The following GRIP2 variants were observed in gnomAD, a reference collection of about 807,000 sequenced individuals.
GRIP2 encodes the protein glutamate receptor-interacting protein 2.
Under a neutral mutation model 108.3 loss-of-function variants are expected in GRIP2, and 58 were observed. That is an observed-to-expected ratio of 0.54 (90% CI 0.43 to 0.67). The LOEUF (loss-of-function observed/expected upper bound fraction) is 0.67. GRIP2 is among the 30% of genes least tolerant of loss of function. GRIP2 has a pLI of 0.00. For missense variants in GRIP2, 1,278 were observed against 1,430.6 expected (o/e 0.89, Z 1.72); for synonymous variants, 586 against 598.2 (o/e 0.98, Z 0.30).
chr3:14,513,257 C>T (rs1559338584), intron 13 of GRIP2, among the ~76,000 whole-genome samples: 2 of 152,166 alleles, frequency 1.3e-5, no homozygotes, highest in Admixed American at 6.5e-5. Flanking sequence ...ACCCAAGTAC[C>T]GCCCCTATAG....
chr3:14,492,222 T>G lies in GRIP2; in HGVS notation c.*1443A>C. The G allele has an allele frequency of 6.6e-6, 1 of 152,242 alleles. No homozygotes were observed. Among genetic ancestry groups the G allele is most frequent in the Admixed American group, 6.5e-5 (1 of 15,278 alleles). The allele number at this position is 152,242 out of a possible 1,614,324, so 9.4% of individuals were successfully genotyped here. Reference sequence around the variant, plus strand: ...AGACCCAGGGTGAAAAGAACAGACCTCTTGACTCCTCATCTGTTCCCTCAA... The same window carrying G: ...AGACCCAGGGTGAAAAGAACAGACCGCTTGACTCCTCATCTGTTCCCTCAA... On this transcript the variant is annotated 3_prime_UTR_variant, in exon 24 of 24. Transcript: ENST00000621039.
In GRIP2 at chr3:14,500,086, C is replaced by T. The variant is rs74413556; in HGVS notation, c.2679+3480G>A. 4.9e-3 allele frequency among the ~76,000 whole-genome samples: 746 copies of T among 151,904 alleles called. 11 individuals are homozygous for T. The highest frequency in any genetic ancestry group is 0.017 in the African/African-American group (712 of 41,430). ...AAGATTAAAACAAAACAAAACAAAA[C>T]AAAATTGTAGGAATAAAAGATGTAG... is the stretch of plus-strand genomic sequence containing the variant. On this transcript the variant is annotated intron_variant, in intron 21 of 23. Coordinates refer to ENST00000621039, the MANE Select transcript of GRIP2 (RefSeq NM_001080423.4).
intron 22 of GRIP2, among the ~76,000 whole-genome samples, chr3:14,495,546 A>G (rs569809867): frequency 2.0e-5 from 3 of 152,244 alleles, no homozygotes; most frequent in Non-Finnish European, 4.4e-5. Context: ...AGCTGGGACT[A>G]CAGACGTGTG....
At chr3:14,537,158 C>A (rs1476053656) in intron 1 of GRIP2, among the ~76,000 whole-genome samples, 1 of 152,072 alleles carries the variant, frequency 6.6e-6, no homozygotes, top group Non-Finnish European at 1.5e-5. Context: ...TCTGTCCTTT[C>A]GACCCAAGGC....
Position 14,514,389 on chromosome 3 carries a change from C to A in GRIP2, c.1396G>T (p.Gly466Cys). 6.4e-7 allele frequency: 1 copy of A among 1,574,464 alleles called. No homozygotes were observed. The highest frequency in any genetic ancestry group is 8.6e-7 in the Non-Finnish European group (1 of 1,161,248). ...EVVLCGDPLS[G>C]FGLQLQGGIF... ...CCGCCCTGGAGCTGGAGGCCAAAGC[C>A]GCTGAGGGGGTCTCCACAGAGCACG... The change falls in exon 12 of 24, where the codon GGC (glycine) becomes TGC (cysteine). Residue 466 changes from glycine (G) to cysteine (C), a missense_variant. Physicochemically the swap from Gly to Cys is radical, Grantham distance 159 (BLOSUM62 -3). Transcript: ENST00000621039.
chr3:14,579,687 C>CCCGCTCTGCCACCTG, the GRIP2 span, among the ~76,000 whole-genome samples: 120,439 of 151,912 alleles, frequency 0.79, 47,896 homozygotes, highest in Middle Eastern at 0.88. Flanking sequence ...GCCTTCACAA[C>CCCGCTCTGCCACCTG]CCTGGGGAAA....
In GRIP2 at chr3:14,511,140, T is replaced by C; in HGVS notation, c.1933+25A>G. Reference sequence around the variant, plus strand: ...TAGTCAAAGGGTGGGCCTCTGGAGGTAGGAGGCCAGCATGAGGGCCATACC... The same window carrying C: ...TAGTCAAAGGGTGGGCCTCTGGAGGCAGGAGGCCAGCATGAGGGCCATACC... On this transcript the variant is annotated intron_variant, in intron 16 of 23. Transcript: ENST00000621039. This position sits in a 1 kb window ranked among gnomAD's most constrained non-coding sequence, Gnocchi z 4.1. 1 of 1,611,860 alleles carries C rather than the reference T, an allele frequency of 6.2e-7. No homozygotes were observed. Among genetic ancestry groups the C allele is most frequent in the Admixed American group, 1.7e-5 (1 of 59,860 alleles).
chr3:14,593,296 C>T, the GRIP2 span, among the ~76,000 whole-genome samples: 3 of 152,230 alleles, frequency 2.0e-5, no homozygotes, highest in Non-Finnish European at 4.4e-5. Context: ...CTCCAAAAGC[C>T]ACTCCGACTT....
At chr3:14,584,859 G>A in the GRIP2 span, among the ~76,000 whole-genome samples, 1 of 152,210 alleles carries the variant, frequency 6.6e-6, no homozygotes. Context: ...CTGCCTCGCT[G>A]CCTCTGCCTC....
rs535010390 is a variant in GRIP2 at position 14,489,311 on chromosome 3, T to G, written c.*4354A>C. 79 of 152,642 alleles carry G rather than the reference T, an allele frequency of 5.2e-4. No individual in the cohort carries two copies. Among genetic ancestry groups the G allele is most frequent in the Non-Finnish European group, 9.7e-4 (66 of 68,046 alleles). 9.5% of individuals were successfully genotyped at this position (152,642 alleles called of 1,614,324 possible). ...TTTTTTAGAGGAGTTTGTAATCACCTTATAACATGAAAATAAACATTTCCT... is the reference window on the plus strand; with the variant it reads ...TTTTTTAGAGGAGTTTGTAATCACCGTATAACATGAAAATAAACATTTCCT... On this transcript the variant is annotated 3_prime_UTR_variant, in exon 24 of 24. Transcript: ENST00000621039.
At chr3:14,539,900 C>T (rs527768955) in intron 1 of GRIP2, among the ~76,000 whole-genome samples, 4 of 152,138 alleles carry the variant, frequency 2.6e-5, no homozygotes, top group Non-Finnish European at 5.9e-5. Flanking sequence ...CCCTCTGGGT[C>T]GGACACTCAC....
Position 14,505,639 on chromosome 3 carries a change from T to A in GRIP2, c.2549A>T (p.Glu850Val). The A allele has an allele frequency of 6.2e-7, 1 of 1,609,476 alleles. No homozygotes were observed. The highest frequency in any genetic ancestry group is 8.5e-7 in the Non-Finnish European group (1 of 1,178,018). The change falls in exon 20 of 24, where the codon GAG becomes GTG. Residue 850 changes from glutamate (E) to valine (V), a missense_variant. Transcript: ENST00000621039. This position sits in a 1 kb window ranked among gnomAD's most constrained non-coding sequence, Gnocchi z 4.2. ...ADESFPEEEE[E>V]DDWEPPTSPA... ...CCTCGTTGGCGGCTCCCAATCATCCTCCTCCTCCTCCTCTGGAAAGCTCTC... is the reference window on the plus strand; with the variant it reads ...CCTCGTTGGCGGCTCCCAATCATCCACCTCCTCCTCCTCTGGAAAGCTCTC...
Position 14,493,699 on chromosome 3 carries a change from C to CG in GRIP2, c.3097dup (p.Arg1033ProfsTer21), listed in dbSNP as rs747473953. The CG allele has an allele frequency of 2.5e-6, 4 of 1,607,994 alleles. No homozygotes were observed. Among genetic ancestry groups the CG allele is most frequent in the Non-Finnish European group, 3.4e-6 (4 of 1,177,560 alleles). Reference sequence around the variant, plus strand: ...CCGGGGACTGCTGGGGCCTGGCGATCGGGGGGCCCGGCTGCTGTGTGCCGT... The same window carrying CG: ...CCGGGGACTGCTGGGGCCTGGCGATCGGGGGGGCCCGGCTGCTGTGTGCCGT... On this transcript the variant is annotated frameshift_variant, in exon 24 of 24. Transcript: ENST00000621039. LOFTEE classifies it high-confidence loss of function.
At chr3:14,560,923 T>TC (rs1695306325), upstream of GRIP2, among the ~76,000 whole-genome samples, 1 of 152,034 alleles carries the variant, frequency 6.6e-6, no homozygotes, top group Non-Finnish European at 1.5e-5. Flanking sequence ...AATAATATGC[T>TC]CCCCAAACTC....
chr3:14,493,919 C>T (rs1322476856), intron 23 of GRIP2, 93 bp from the exon 24 acceptor site: 2 of 1,373,670 alleles, frequency 1.5e-6, no homozygotes, highest in Non-Finnish European at 2.0e-6. Flanking sequence ...AAGATGGGTC[C>T]TGCCCCAGCC....
chr3:14,543,265 G>C (rs569028438), upstream of GRIP2, among the ~76,000 whole-genome samples: 2 of 152,346 alleles, frequency 1.3e-5, no homozygotes, highest in East Asian at 3.9e-4. Flanking sequence ...GCAGATGCTC[G>C]GGCCCCGCCC....
At chr3:14,595,812 G>A in the GRIP2 span, among the ~76,000 whole-genome samples, 2 of 152,248 alleles carry the variant, frequency 1.3e-5, no homozygotes, top group Admixed American at 1.3e-4. Context: ...GGGCCATGGT[G>A]AGGGCCGGAT....
At chr3:14,520,062 C>A (rs777529666) in intron 9 of GRIP2, 48 bp downstream of exon 9, 1 of 1,530,854 alleles carries the variant, frequency 6.5e-7, no homozygotes, top group Non-Finnish European at 8.8e-7. Context: ...CCTCTCAGGC[C>A]TCATGACTGC....
At chr3:14,556,099 C>T (rs550100036), upstream of GRIP2, 2 of 397,886 alleles carry the variant, frequency 5.0e-6, no homozygotes, top group Admixed American at 8.8e-5. Flanking sequence ...CCCGGAGTTG[C>T]TAAAATAGAT....
Sources: gnomAD v4.1 joint callset for allele counts (sites outside exome capture counted in the v4.1 genomes callset) on GRCh38, gnomAD v4.1.1 for gene constraint, Gnocchi (gnomAD v3.1) non-coding constraint, MANE v1.5 for transcripts, NCBI Gene and HGNC (gene_info 2026-07-23, HGNC 2026-07-21) for gene names.